The following G3BP1 variants were observed in gnomAD, a reference collection of about 807,000 sequenced individuals.
G3BP1 encodes G3BP stress granule assembly factor 1, also known as ras GTPase-activating protein-binding protein 1.
In G3BP1, 35 loss-of-function variants were observed where a neutral mutation model predicts 58.6. That is an observed-to-expected ratio of 0.60 (90% CI 0.46 to 0.79). The LOEUF (loss-of-function observed/expected upper bound fraction) is 0.79. G3BP1 is among the 30% of genes least tolerant of loss of function. G3BP1 has a pLI of 0.00. For synonymous variants in G3BP1, 191 were observed against 195.4 expected (o/e 0.98, Z 0.19); for missense variants, 523 against 580.8 (o/e 0.90, Z 1.02).
At chr5:151,790,801 T>A (rs1237157304) in intron 3 of G3BP1, 88 bp from the exon 4 acceptor site, 4 of 730,334 alleles carry the variant, frequency 5.5e-6, no homozygotes, top group Non-Finnish European at 9.1e-6. Context: ...TCTCTTTGTG[T>A]TGTGTTGGAA....
rs1394753580 is a variant in G3BP1 at position 151,804,469 on chromosome 5, T to C, written c.*378T>C. On this transcript the variant is annotated 3_prime_UTR_variant, in exon 12 of 12. Transcript: ENST00000356245. ...TTGGTATGTTTCATTCATTGGAATA[T>C]TTCTTATTTTCTACGTGTTTGAAAA... The C allele has an allele frequency of 1.2e-5, 2 of 162,138 alleles. No individual in the cohort carries two copies. The highest frequency in any genetic ancestry group is 4.8e-5 in the African/African-American group (2 of 41,850). The allele number at this position is 162,138 out of a possible 1,614,324, so 10.0% of individuals were successfully genotyped here.
At chr5:151,774,434 T>C (rs553013194) in intron 1 of G3BP1, among the ~76,000 whole-genome samples, 2 of 152,184 alleles carry the variant, frequency 1.3e-5, no homozygotes, top group South Asian at 4.1e-4. Flanking sequence ...GTGAATTTTA[T>C]ATCGTCCTTA....
chr5:151,797,446 A>G lies in G3BP1; in HGVS notation c.741+18A>G, dbSNP rs760344048. On this transcript the variant is annotated intron_variant, in intron 7 of 11. Coordinates refer to ENST00000356245, the MANE Select transcript of G3BP1 (RefSeq NM_005754.3). The stretch of plus-strand genomic sequence containing the variant: ...ACTTGAGGGTATGAAACGTGTCTTC[A>G]TTTTTATTCTATTCCTAGTTATTTT... 1 of 1,584,794 alleles carries G rather than the reference A, an allele frequency of 6.3e-7. No individual in the cohort carries two copies. Among genetic ancestry groups the G allele is most frequent in the Non-Finnish European group, 8.6e-7 (1 of 1,163,334 alleles).
intron 1 of G3BP1, among the ~76,000 whole-genome samples, chr5:151,783,755 CT>C (rs1217693079): frequency 6.6e-6 from 1 of 151,926 alleles, no homozygotes; most frequent in Non-Finnish European, 1.5e-5. Flanking sequence ...CAGTGAAGAA[CT>C]TACCTAAACA....
At chr5:151,772,111 CTGAG>C (rs904976803) in intron 1 of G3BP1, 75 bp downstream of exon 1, 14 of 152,110 alleles carry the variant, frequency 9.2e-5, no homozygotes, top group African/African-American at 3.1e-4. Context: ...AGGGAGAAGT[CTGAG>C]TGGCGCTCGC....
chr5:151,778,423 T>C (rs985814249), intron 1 of G3BP1, among the ~76,000 whole-genome samples: 1 of 152,194 alleles, frequency 6.6e-6, no homozygotes, highest in Non-Finnish European at 1.5e-5. Flanking sequence ...TCATATTTTA[T>C]GGGATTGGTT....
rs377731690 is a variant in G3BP1 at position 151,795,609 on chromosome 5, A to G, written c.539+34A>G. Reference sequence around the variant, plus strand: ...ATTTTGTTCACATGTCCGGGGCTGCATAAGAACTTGCATTGTCTAGTCTTT... The same window carrying G: ...ATTTTGTTCACATGTCCGGGGCTGCGTAAGAACTTGCATTGTCTAGTCTTT... On this transcript the variant is annotated intron_variant, in intron 6 of 11. Coordinates refer to ENST00000356245, the MANE Select transcript of G3BP1 (RefSeq NM_005754.3). The G allele has an allele frequency of 2.3e-4, 245 of 1,045,948 alleles. No homozygotes were observed. The Middle Eastern group carries it at 3.6e-3, about 15-fold the overall frequency. 64.8% of individuals were successfully genotyped at this position (1,045,948 alleles called of 1,614,324 possible).
rs1762967193 is a variant in G3BP1, at chr5:151,808,302, A to G, written c.*4211A>G. ...TTTATATTTACATTCTTATTAGTGG[A>G]TAGATATCACCTCAGTACAACACTG... is the stretch of plus-strand genomic sequence containing the variant. On this transcript the variant is annotated 3_prime_UTR_variant, in exon 12 of 12. Transcript: ENST00000356245. 1 of 152,178 alleles carries G rather than the reference A, an allele frequency of 6.6e-6. No homozygotes were observed. Among genetic ancestry groups the G allele is most frequent in the African/African-American group, 2.4e-5 (1 of 41,442 alleles). 9.4% of individuals were successfully genotyped at this position (152,178 alleles called of 1,614,324 possible).
At chr5:151,788,615 T>TGTG (rs1276643889) in intron 2 of G3BP1, among the ~76,000 whole-genome samples, 26 of 147,314 alleles carry the variant, frequency 1.8e-4, no homozygotes, top group South Asian at 4.2e-4. Context: ...TGTGTGTGTA[T>TGTG]TATTTATTTA....
At chr5:151,798,220 C>T (rs1451777204) in intron 7 of G3BP1, among the ~76,000 whole-genome samples, 4 of 152,060 alleles carry the variant, frequency 2.6e-5, no homozygotes, top group African/African-American at 9.7e-5. Flanking sequence ...CATGGTGGTG[C>T]CTATGTGTGG....
At chr5:151,778,755 T>C (rs1482603997) in intron 1 of G3BP1, among the ~76,000 whole-genome samples, 4 of 151,780 alleles carry the variant, frequency 2.6e-5, no homozygotes, top group African/African-American at 9.7e-5. Context: ...GATAGAGGTA[T>C]TTTAAAAATT....
intron 11 of G3BP1, 55 bp from the exon 12 acceptor site, chr5:151,803,830 A>T: frequency 8.6e-7 from 1 of 1,167,602 alleles, no homozygotes; most frequent in Non-Finnish European, 1.3e-6. Flanking sequence ...TTTATCTTTG[A>T]TAGTGATAGC....
rs1202070958 is a variant in G3BP1 at position 151,799,930 on chromosome 5, A to G, written c.885A>G (p.Gln295=). 5.0e-6 allele frequency: 8 copies of G among 1,613,690 alleles called. No individual in the cohort carries two copies. The highest frequency in any genetic ancestry group is 2.2e-5 in the East Asian group (1 of 44,882). The change falls in exon 9 of 12, where the codon CAA becomes CAG. Residue 295 remains glutamine, a synonymous_variant. Transcript: ENST00000356245. The part of the protein sequence containing the change: ...ESKPESQIPP[Q]RPQRDQRVRE... ...AGCCTGAATCTCAGATTCCACCACA[A>G]AGACCTCAGCGGGATCAAAGAGTGC...
At chr5:151,793,852 GAAAA>G (rs1015720578) in intron 4 of G3BP1, among the ~76,000 whole-genome samples, 2 of 132,780 alleles carry the variant, frequency 1.5e-5, no homozygotes, top group African/African-American at 5.4e-5. Context: ...AAAAAAAAAA[GAAAA>G]AAGAGAAATT....
chr5:151,789,899 G>A (rs572878778), intron 2 of G3BP1, among the ~76,000 whole-genome samples: 2 of 152,228 alleles, frequency 1.3e-5, no homozygotes, highest in Non-Finnish European at 2.9e-5. Context: ...CCAGGGCCAG[G>A]CGCGGTGACT....
At chr5:151,794,701 A>G (rs188255656) in intron 5 of G3BP1, among the ~76,000 whole-genome samples, 96 of 152,372 alleles carry the variant, frequency 6.3e-4, no homozygotes, top group Non-Finnish European at 1.2e-3. Context: ...TGTTCTTGAA[A>G]GACAGTCTAG....
chr5:151,799,992 C>A lies in G3BP1; in HGVS notation c.947C>A (p.Pro316His). ...QRINIPPQRG[P>H]RPIREAGEQG... ...ATAAATATTCCTCCCCAAAGGGGAC[C>A]CAGACCAAGTAAGAGCTCAGAAGGG... Residue 316 changes from proline (P) to histidine (H), a missense_variant, in exon 9 of 12, where the codon CCC (proline) becomes CAC (histidine). Around this residue, in one of 2 missense-constraint regions of G3BP1, gnomAD observed 398 missense variants for 399.1 expected, o/e 1.00. Coordinates refer to ENST00000356245, the MANE Select transcript of G3BP1 (RefSeq NM_005754.3). 1 of 1,591,500 alleles carries A rather than the reference C, an allele frequency of 6.3e-7. No individual in the cohort carries two copies. Among genetic ancestry groups the A allele is most frequent in the Non-Finnish European group, 8.6e-7 (1 of 1,159,794 alleles).
At chr5:151,779,625 A>T (rs1306516249) in intron 1 of G3BP1, among the ~76,000 whole-genome samples, 3 of 152,042 alleles carry the variant, frequency 2.0e-5, no homozygotes, top group Non-Finnish European at 4.4e-5. Context: ...TTGGCAACTG[A>T]TTTTTCTTTT....
intron 1 of G3BP1, among the ~76,000 whole-genome samples, chr5:151,782,312 G>A (rs1199041084): frequency 6.6e-6 from 1 of 151,952 alleles, no homozygotes; most frequent in Admixed American, 6.6e-5. Context: ...AAATTTTGGG[G>A]GTTTCCTTTT....
Sources: allele counts gnomAD v4.1 joint callset (sites outside exome capture counted in the v4.1 genomes callset), GRCh38; gene constraint gnomAD v4.1.1; regional missense constraint gnomAD v4.1.1; transcripts MANE v1.5; gene names NCBI Gene and HGNC (gene_info 2026-07-23, HGNC 2026-07-21).